GRSF1: variants seen among roughly 807,000 people sequenced by gnomAD.
GRSF1 encodes G-rich RNA sequence binding factor 1.
In GRSF1, 50 loss-of-function variants were observed where a neutral mutation model predicts 51.1. The ratio of observed to expected loss-of-function variants is 0.98; its 90% CI spans 0.78 to 1.24. GRSF1 has a LOEUF of 1.24. Among genes scored for constraint, GRSF1 ranks in the 50% most tolerant of loss-of-function variants. GRSF1 has a pLI of 0.00. For missense variants in GRSF1, 700 were observed against 639.7 expected, an observed-to-expected ratio of 1.09 and a Z score of -1.02; for synonymous variants, 293 against 253.3, an observed-to-expected ratio of 1.16 and a Z score of -1.49.
chr4:70,825,574 T>A (rs1340388739), intron 7 of GRSF1, 143 bp from the exon 8 acceptor site: 1 of 533,812 alleles, frequency 1.9e-6, no homozygotes, highest in East Asian at 2.9e-5. Context: ...AGCAGTAATA[T>A]ATTTATATAT....
intron 7 of GRSF1, 21 bp downstream of exon 7, chr4:70,826,103 G>A: frequency 5.0e-6 from 8 of 1,595,792 alleles, no homozygotes; most frequent in South Asian, 4.5e-5. Flanking sequence ...TATTGAGATT[G>A]GATATCTTAC....
At chr4:70,826,536 G>GAA (rs538242968) in intron 6 of GRSF1, among the ~76,000 whole-genome samples, 14 of 135,108 alleles carry the variant, frequency 1.0e-4, no homozygotes, top group Non-Finnish European at 6.4e-5. Context: ...TATAGGCACT[G>GAA]AAAAAAAAAA....
chr4:70,828,089 T>C, intron 5 of GRSF1, 53 bp from the exon 6 acceptor site: 1 of 1,262,744 alleles, frequency 7.9e-7, no homozygotes, highest in Non-Finnish European at 1.1e-6. Flanking sequence ...AACTTTATAC[T>C]GAACTCATTT....
At chr4:70,835,631 C>T (rs28555233) in intron 2 of GRSF1, among the ~76,000 whole-genome samples, 8,184 of 151,616 alleles carry the variant, frequency 0.054, 529 homozygotes, top group African/African-American at 0.16. Context: ...TTAGTAGAGA[C>T]GGGGTTTCAC....
In GRSF1 at chr4:70,839,586, G is replaced by T; in HGVS notation, c.242C>A (p.Ala81Asp). The T allele has an allele frequency of 7.1e-7, 1 of 1,416,528 alleles. No individual in the cohort carries two copies. The highest frequency in any genetic ancestry group is 9.2e-7 in the Non-Finnish European group (1 of 1,088,686). 87.7% of individuals were successfully genotyped at this position (1,416,528 alleles called of 1,614,324 possible). A position where few individuals can be genotyped will look rare whatever the true frequency, so the allele number is the denominator to read the frequency against. Reference protein sequence around the residue: ...VPPGRLAGPPAVATSAAAAAA... With the variant: ...VPPGRLAGPPDVATSAAAAAA... ...CGCGGCCGCGGCAGAGGTGGCCACAGCGGGAGGCCCCGCCAGCCTCCCGGG... is the reference window on the plus strand; with the variant it reads ...CGCGGCCGCGGCAGAGGTGGCCACATCGGGAGGCCCCGCCAGCCTCCCGGG... The change falls in exon 1 of 10, where the codon GCT becomes GAT. Residue 81 changes from alanine to aspartate, a missense_variant. Ala to Asp is a moderately radical substitution (Grantham distance 126). Transcript: ENST00000254799.
At chr4:70,828,112 T>A in intron 5 of GRSF1, 76 bp from the exon 6 acceptor site, 1 of 1,005,690 alleles carries the variant, frequency 9.9e-7, no homozygotes, top group Non-Finnish European at 1.5e-6. Context: ...AATAAACATG[T>A]ATACATTATA....
chr4:70,821,164 C>T (rs141014866), intron 9 of GRSF1, among the ~76,000 whole-genome samples: 1,872 of 152,280 alleles, frequency 0.012, 29 homozygotes, highest in South Asian at 0.044. Context: ...CGGTGGCTCA[C>T]GCCTGTAATC....
chr4:70,839,720 A>G lies in GRSF1; in HGVS notation c.108T>C (p.Ala36=), dbSNP rs1374040666. ...CCGAGACGCCCGACGGGATAGAGCC[A>G]GCGGCGGAGTAGAAGGGCAGGCAGG... ...GAACLPFYSA[A]GSIPSGVSGR... is the part of the protein sequence containing the mutation. Residue 36 remains alanine (A), a synonymous_variant, in exon 1 of 10, where the codon GCT becomes GCC. Coordinates refer to ENST00000254799, the MANE Select transcript of GRSF1 (RefSeq NM_002092.4). 2 of 1,494,582 alleles carry G rather than the reference A, an allele frequency of 1.3e-6. No individual in the cohort carries two copies. The highest frequency in any genetic ancestry group is 2.3e-4 in the Middle Eastern group (1 of 4,366). 92.6% of individuals were successfully genotyped at this position (1,494,582 alleles called of 1,614,324 possible). A position where few individuals can be genotyped will look rare whatever the true frequency, so the allele number is the denominator to read the frequency against.
chr4:70,816,346 CAA>C lies in GRSF1; in HGVS notation c.*4539_*4540del, dbSNP rs11478421. On this transcript the variant is annotated 3_prime_UTR_variant, in exon 10 of 10. Coordinates refer to ENST00000254799, the MANE Select transcript of GRSF1 (RefSeq NM_002092.4). ...GCCTGGGCGATACAAGACTCCATCT[CAA>C]AAAAAAAAAAAAAAAAAGAAAAAAC... is the stretch of plus-strand genomic sequence containing the variant. 109 of 85,418 alleles carry C rather than the reference CAA, an allele frequency of 1.3e-3. No homozygotes were observed. The highest frequency in any genetic ancestry group is 5.6e-3 in the East Asian group (17 of 3,052). The allele number at this position is 85,418 out of a possible 1,614,324, so 5.3% of individuals were successfully genotyped here. A position where few individuals can be genotyped will look rare whatever the true frequency, so the allele number is the denominator to read the frequency against.
In GRSF1 at chr4:70,823,974, C is replaced by CTTTTTTTTTTTTTTT. The variant is rs577909875; in HGVS notation, c.*25+319_*25+320insAAAAAAAAAAAAAAA. Reference sequence around the variant, plus strand: ...AAATAATTTCCACAGTTGTATCTCTCTCTTTTTTTTTTTTTTTTTTGAGTC... The same window carrying CTTTTTTTTTTTTTTT: ...AAATAATTTCCACAGTTGTATCTCTCTTTTTTTTTTTTTTTTCTTTTTTTTTTTTTTTTTTGAGTC... On this transcript the variant is annotated intron_variant, in intron 9 of 9. Transcript: ENST00000254799. Among the ~76,000 whole-genome samples the CTTTTTTTTTTTTTTT allele has an allele frequency of 7.9e-5, 8 of 100,960 alleles. 4 individuals are homozygous for CTTTTTTTTTTTTTTT. Among genetic ancestry groups the CTTTTTTTTTTTTTTT allele is most frequent in the African/African-American group, 7.2e-5 (2 of 27,654 alleles). The allele number at this position is 100,960 out of a possible 152,430, so 66.2% of individuals were successfully genotyped here. A position where few individuals can be genotyped will look rare whatever the true frequency, so the allele number is the denominator to read the frequency against.
intron 1 of GRSF1, among the ~76,000 whole-genome samples, chr4:70,836,997 A>G (rs546403655): frequency 2.0e-5 from 3 of 152,150 alleles, no homozygotes; most frequent in Non-Finnish European, 4.4e-5. Context: ...GTGGAGCTCA[A>G]TGTGTGTCCT....
Position 70,832,312 on chromosome 4 carries a change from A to G in GRSF1, c.809T>C (p.Phe270Ser), listed in dbSNP as rs1396282081. The G allele has an allele frequency of 1.2e-6, 2 of 1,613,458 alleles. No individual in the cohort carries two copies. Among genetic ancestry groups the G allele is most frequent in the South Asian group, 2.2e-5 (2 of 91,032 alleles). The part of the protein sequence containing the change: ...SCNEKDIVDF[F>S]AGLNIVDITF... ...ATAATACAACTGCAAAGTACCTGCA[A>G]AGAAGTCTACAATGTCTTTCTCATT... Residue 270 changes from phenylalanine to serine, a missense_variant, in exon 4 of 10, where the codon TTT becomes TCT. Physicochemically the swap from Phe to Ser is radical, Grantham distance 155. Coordinates refer to ENST00000254799, the MANE Select transcript of GRSF1 (RefSeq NM_002092.4).
chr4:70,817,021 A>G lies in GRSF1; in HGVS notation c.*3866T>C, dbSNP rs1733339147. 1 of 151,932 alleles carries G rather than the reference A, an allele frequency of 6.6e-6. No homozygotes were observed. Among genetic ancestry groups the G allele is most frequent in the Non-Finnish European group, 1.5e-5 (1 of 68,028 alleles). 9.4% of individuals were successfully genotyped at this position (151,932 alleles called of 1,614,324 possible). On this transcript the variant is annotated 3_prime_UTR_variant, in exon 10 of 10. Coordinates refer to ENST00000254799, the MANE Select transcript of GRSF1 (RefSeq NM_002092.4). Reference sequence around the variant, plus strand: ...TTATATTTTTAAAAGAAATGACAACACCCACTAACACTTGCTTATAAATAA... The same window carrying G: ...TTATATTTTTAAAAGAAATGACAACGCCCACTAACACTTGCTTATAAATAA...
intron 5 of GRSF1, among the ~76,000 whole-genome samples, chr4:70,830,291 TACAC>T (rs1207744267): frequency 6.6e-6 from 1 of 151,802 alleles, no homozygotes; most frequent in East Asian, 1.9e-4. Context: ...CACACACACA[TACAC>T]ACAGCCAGGT....
At chr4:70,836,928 G>A (rs1734237379) in intron 1 of GRSF1, among the ~76,000 whole-genome samples, 1 of 152,194 alleles carries the variant, frequency 6.6e-6, no homozygotes, top group Admixed American at 6.5e-5. Flanking sequence ...TTTAAATTAG[G>A]AGCCAAAGAA....
chr4:70,839,987 C>G, upstream of GRSF1: 1 of 587,226 alleles, frequency 1.7e-6, no homozygotes, highest in Non-Finnish European at 2.8e-6. Flanking sequence ...TGGAGGAGAG[C>G]GCGACGCTCC....
intron 9 of GRSF1, among the ~76,000 whole-genome samples, chr4:70,821,595 G>C (rs892086111): frequency 7.2e-6 from 1 of 139,554 alleles, no homozygotes; most frequent in Non-Finnish European, 1.5e-5. Context: ...GACAGAGAGA[G>C]ACTCCGTCTC....
chr4:70,842,268 G>A (rs1010257352), upstream of GRSF1, among the ~76,000 whole-genome samples: 2 of 152,226 alleles, frequency 1.3e-5, no homozygotes, highest in African/African-American at 2.4e-5. Context: ...TGTGGTTCCT[G>A]GGAATGGGCC....
At chr4:70,841,807 G>C (rs186643582), upstream of GRSF1, among the ~76,000 whole-genome samples, 164 of 152,268 alleles carry the variant, frequency 1.1e-3, no homozygotes, top group African/African-American at 3.9e-3. Flanking sequence ...GAGTATCAAA[G>C]AAAAAGGGGT....
Sources: gnomAD v4.1 joint callset for allele counts (sites outside exome capture counted in the v4.1 genomes callset) on GRCh38, gnomAD v4.1.1 for gene constraint, MANE v1.5 for transcripts, NCBI Gene and HGNC (gene_info 2026-07-23, HGNC 2026-07-21) for gene names.